The following SH3BGRL2 variants were observed in gnomAD, a reference collection of about 807,000 sequenced individuals.
SH3BGRL2 encodes the protein SH3 domain binding glutamate rich protein like 2.
Under a neutral mutation model 14.8 loss-of-function variants are expected in SH3BGRL2, and 21 were observed. The ratio of observed to expected loss-of-function variants is 1.42; its 90% CI spans 1.01 to 2.05. The LOEUF is 2.05. Ranked by LOEUF, SH3BGRL2 falls within the 30% of genes most tolerant of loss-of-function variation. The pLI, the probability that SH3BGRL2 is intolerant of heterozygous loss-of-function variation, is 0.00. For missense variants in SH3BGRL2, 147 were observed against 130.8 expected (o/e 1.12, Z -0.61); for synonymous variants, 50 against 47.8 (o/e 1.05, Z -0.19).
At chr6:79,599,058 G>A in the SH3BGRL2 span, among the ~76,000 whole-genome samples, 340 of 140,644 alleles carry the variant, frequency 2.4e-3, 3 homozygotes, top group African/African-American at 8.7e-3. Flanking sequence ...TCCAGCCTGG[G>A]CAACAAGAGC....
chr6:79,644,437 C>G (rs551117626), intron 1 of SH3BGRL2, among the ~76,000 whole-genome samples: 1 of 152,280 alleles, frequency 6.6e-6, no homozygotes, highest in African/African-American at 2.4e-5. Flanking sequence ...GCTGTTTACA[C>G]TCTTCATCTG....
At chr6:79,595,261 G>A in the SH3BGRL2 span, among the ~76,000 whole-genome samples, 1 of 152,220 alleles carries the variant, frequency 6.6e-6, no homozygotes, top group African/African-American at 2.4e-5. Context: ...TTGCACTCCA[G>A]TGTGGGCAAC....
chr6:79,541,222 CA>C, the SH3BGRL2 span, among the ~76,000 whole-genome samples: 3 of 152,162 alleles, frequency 2.0e-5, no homozygotes, highest in Admixed American at 6.5e-5. Context: ...CACTGCACTC[CA>C]GCCTGGGCGG....
the SH3BGRL2 span, among the ~76,000 whole-genome samples, chr6:79,579,580 T>C: frequency 6.6e-6 from 1 of 152,120 alleles, no homozygotes; most frequent in African/African-American, 2.4e-5. Flanking sequence ...AATAAAATCC[T>C]TTACAGACAA....
the SH3BGRL2 span, among the ~76,000 whole-genome samples, chr6:79,600,387 G>A: frequency 1.3e-5 from 2 of 152,078 alleles, no homozygotes; most frequent in East Asian, 3.9e-4. Flanking sequence ...GAGCTTAGCC[G>A]TGAGCCCAGA....
chr6:79,676,637 GTGTATATATA>G (rs745949244), intron 2 of SH3BGRL2, among the ~76,000 whole-genome samples: 8 of 130,952 alleles, frequency 6.1e-5, no homozygotes, highest in South Asian at 6.1e-4. Context: ...GTGTGTGTGT[GTGTATATATA>G]TATAATCTTT....
the SH3BGRL2 span, among the ~76,000 whole-genome samples, chr6:79,601,753 G>A: frequency 6.6e-6 from 1 of 152,066 alleles, no homozygotes; most frequent in Non-Finnish European, 1.5e-5. Flanking sequence ...ATTTAATAGA[G>A]TTAACCTATC....
chr6:79,699,628 T>C lies in SH3BGRL2; in HGVS notation c.*119T>C. On this transcript the variant is annotated 3_prime_UTR_variant, in exon 4 of 4. Coordinates refer to ENST00000369838, the MANE Select transcript of SH3BGRL2 (RefSeq NM_031469.4). The stretch of plus-strand genomic sequence containing the variant: ...CACACGCATTATCAGTAACTTTGCT[T>C]GCCACGGAAAAGGTGTTTTTGAAAG... The C allele has an allele frequency of 7.5e-7, 1 of 1,325,404 alleles. No homozygotes were observed. The highest frequency in any genetic ancestry group is 9.9e-7 in the Non-Finnish European group (1 of 1,005,174). The allele number at this position is 1,325,404 out of a possible 1,614,324, so 82.1% of individuals were successfully genotyped here.
At chr6:79,652,084 A>C (rs1247574791) in intron 1 of SH3BGRL2, among the ~76,000 whole-genome samples, 1 of 152,180 alleles carries the variant, frequency 6.6e-6, no homozygotes, top group Non-Finnish European at 1.5e-5. Context: ...ATTAAGAACA[A>C]CTGGGTAGGC....
intron 1 of SH3BGRL2, among the ~76,000 whole-genome samples, chr6:79,665,179 A>G (rs1173091413): frequency 1.3e-5 from 2 of 152,214 alleles, no homozygotes; most frequent in African/African-American, 4.8e-5. Flanking sequence ...CAGCCTGGGC[A>G]ACAGAGCGAG....
chr6:79,584,857 T>C, the SH3BGRL2 span, among the ~76,000 whole-genome samples: 1 of 152,192 alleles, frequency 6.6e-6, no homozygotes, highest in South Asian at 2.1e-4. Context: ...TTTAAATGCA[T>C]GTATCTTTTG....
At chr6:79,636,048 A>T (rs540958305) in intron 1 of SH3BGRL2, among the ~76,000 whole-genome samples, 1 of 152,254 alleles carries the variant, frequency 6.6e-6, no homozygotes, top group South Asian at 2.1e-4. Context: ...TTCCTAAGTT[A>T]CTCTAATAAC....
intron 1 of SH3BGRL2, among the ~76,000 whole-genome samples, chr6:79,667,976 T>C (rs897831383): frequency 4.3e-5 from 4 of 92,774 alleles, no homozygotes; most frequent in African/African-American, 8.5e-5. Flanking sequence ...ATTGTTCTTA[T>C]TCAATCTCAA....
chr6:79,611,430 G>A, the SH3BGRL2 span, among the ~76,000 whole-genome samples: 109 of 137,462 alleles, frequency 7.9e-4, 1 homozygote, highest in South Asian at 5.9e-3. Context: ...TTTTTGAGAC[G>A]GAGTCTCACT....
the SH3BGRL2 span, chr6:79,573,953 C>G: frequency 1.3e-5 from 2 of 152,118 alleles, no homozygotes; most frequent in Non-Finnish European, 2.9e-5. Flanking sequence ...CTTGAATTCT[C>G]TAATTACTAG....
At chr6:79,633,408 A>G (rs1408647174) in intron 1 of SH3BGRL2, among the ~76,000 whole-genome samples, 2 of 152,170 alleles carry the variant, frequency 1.3e-5, no homozygotes, top group African/African-American at 2.4e-5. Flanking sequence ...ATACCTACCT[A>G]TTAGTCTCAA....
chr6:79,639,118 T>G, intron 1 of SH3BGRL2, among the ~76,000 whole-genome samples: 1 of 152,212 alleles, frequency 6.6e-6, no homozygotes, highest in East Asian at 1.9e-4. Flanking sequence ...ACAATATTTC[T>G]TCCTTAGTTA....
the SH3BGRL2 span, among the ~76,000 whole-genome samples, chr6:79,624,652 C>G: frequency 2.2e-4 from 34 of 152,116 alleles, no homozygotes; most frequent in Middle Eastern, 3.4e-3. Flanking sequence ...TCAGTTTATC[C>G]AGTGGTTACC....
chr6:79,612,536 G>C, the SH3BGRL2 span, among the ~76,000 whole-genome samples: 5 of 152,142 alleles, frequency 3.3e-5, no homozygotes, highest in African/African-American at 9.7e-5. Context: ...AATAGTTAAG[G>C]CTACCTACTT....
Sources: gnomAD v4.1 joint callset for allele counts (sites outside exome capture counted in the v4.1 genomes callset) on GRCh38, gnomAD v4.1.1 for gene constraint, MANE v1.5 for transcripts, NCBI Gene and HGNC (gene_info 2026-07-23, HGNC 2026-07-21) for gene names.